Variants in EBF1 observed in about 807,000 individuals in gnomAD.
EBF1 encodes the protein EBF transcription factor 1.
In EBF1, 10 loss-of-function variants were observed where a neutral mutation model predicts 68.4. The ratio of observed to expected loss-of-function variants is 0.15; its 90% CI spans 0.09 to 0.25. EBF1 has a LOEUF of 0.25. Ranked by LOEUF, EBF1 falls within the 10% of genes least tolerant of loss-of-function variation. The pLI is 1.00. For synonymous variants in EBF1, 298 were observed against 299.8 expected (o/e 0.99, Z 0.06); for missense variants, 509 against 794.4 (o/e 0.64, Z 4.32).
At chr5:158,943,648 A>T (rs1813984680) in intron 6 of EBF1, among the ~76,000 whole-genome samples, 1 of 152,190 alleles carries the variant, frequency 6.6e-6, no homozygotes, top group East Asian at 1.9e-4. Context: ...AGCAGATTTT[A>T]CCTAAGAGTG....
intron 6 of EBF1, among the ~76,000 whole-genome samples, chr5:159,038,329 C>T (rs917615288): frequency 7.9e-5 from 12 of 152,178 alleles, no homozygotes; most frequent in Non-Finnish European, 1.6e-4. Flanking sequence ...CTCCATTCTG[C>T]ATTTAGGTAA....
At chr5:158,894,998 T>C (rs957027003) in intron 6 of EBF1, among the ~76,000 whole-genome samples, 2 of 152,194 alleles carry the variant, frequency 1.3e-5, no homozygotes, top group African/African-American at 4.8e-5. Flanking sequence ...CAGTGAAATA[T>C]ATAAATATGA....
At chr5:159,042,834 T>C (rs1771489866) in intron 6 of EBF1, among the ~76,000 whole-genome samples, 1 of 147,890 alleles carries the variant, frequency 6.8e-6, no homozygotes, top group African/African-American at 2.5e-5. Flanking sequence ...ACATATATTT[T>C]ATTTTTATTT....
At chr5:158,700,218 A>C (rs1223195161) in intron 15 of EBF1, among the ~76,000 whole-genome samples, 1 of 152,264 alleles carries the variant, frequency 6.6e-6, no homozygotes, top group African/African-American at 2.4e-5. Context: ...TCAAATAGGC[A>C]CCATCCCATG....
chr5:158,888,302 T>C (rs377669027), intron 6 of EBF1, among the ~76,000 whole-genome samples: 108 of 152,164 alleles, frequency 7.1e-4, no homozygotes, highest in African/African-American at 2.5e-3. Context: ...TGTGTGTATA[T>C]TGTGGAATCA....
At chr5:158,965,891 A>T (rs949096318) in intron 6 of EBF1, among the ~76,000 whole-genome samples, 1 of 152,200 alleles carries the variant, frequency 6.6e-6, no homozygotes, top group African/African-American at 2.4e-5. Context: ...CAGATTAATC[A>T]TTCAGATGGG....
At chr5:158,900,900 G>C (rs1803175678) in intron 6 of EBF1, among the ~76,000 whole-genome samples, 1 of 149,798 alleles carries the variant, frequency 6.7e-6, no homozygotes, top group Non-Finnish European at 1.5e-5. Flanking sequence ...AAGCCTAAGA[G>C]ATCTCTTCAT....
At chr5:158,899,776 C>A (rs535088606) in intron 6 of EBF1, among the ~76,000 whole-genome samples, 1 of 152,296 alleles carries the variant, frequency 6.6e-6, no homozygotes, top group African/African-American at 2.4e-5. Context: ...ATGGAATATT[C>A]TAAAAGTTCT....
At position 158,732,335 on chromosome 5, in the gene EBF1, T is replaced by C. The variant is rs1764265205; in HGVS notation, c.1037-1178A>G. Among the ~76,000 whole-genome samples, 4 of 152,186 alleles carry C rather than the reference T, an allele frequency of 2.6e-5. No homozygotes were observed. In the South Asian group the frequency reaches 8.3e-4, roughly 31 times the overall value. On this transcript the variant is annotated intron_variant, in intron 10 of 15. Transcript: ENST00000313708. ...ACTAACTTTAAAAAACTGTATTAAA[T>C]TCAAATAGGTCCCAAGGCTAATGGA...
intron 6 of EBF1, among the ~76,000 whole-genome samples, chr5:158,956,028 A>ATGTGTGTG (rs56311243): frequency 1.9e-4 from 27 of 141,146 alleles, no homozygotes; most frequent in East Asian, 8.5e-4. Flanking sequence ...ATAAATATAA[A>ATGTGTGTG]TGTGTGTGTG....
intron 6 of EBF1, among the ~76,000 whole-genome samples, chr5:159,054,500 T>C (rs1038111405): frequency 5.3e-5 from 8 of 152,290 alleles, no homozygotes; most frequent in South Asian, 4.1e-4. Flanking sequence ...AGAAAAAAAT[T>C]TTTTTCAAGA....
chr5:158,879,046 T>C (rs1037557016), intron 6 of EBF1, among the ~76,000 whole-genome samples: 3 of 152,106 alleles, frequency 2.0e-5, no homozygotes, highest in African/African-American at 7.2e-5. Context: ...ACTCCCAGGA[T>C]TTTTTTTCTC....
At chr5:158,905,008 T>C (rs1208369212) in intron 6 of EBF1, among the ~76,000 whole-genome samples, 1 of 152,230 alleles carries the variant, frequency 6.6e-6, no homozygotes, top group African/African-American at 2.4e-5. Flanking sequence ...AATTCTCATA[T>C]TATTCACATC....
rs1759567101 is a variant in EBF1 at position 158,712,342 on chromosome 5, CG to C, written c.1370-10del. 10 of 1,612,154 alleles carry C rather than the reference CG, an allele frequency of 6.2e-6. No individual in the cohort carries two copies. Among genetic ancestry groups the C allele is most frequent in the Non-Finnish European group, 8.5e-6 (10 of 1,178,988 alleles). On this transcript the variant is annotated splice_polypyrimidine_tract_variant and intron_variant, in intron 13 of 15. Transcript: ENST00000313708. ...TGAGTTGCGGGTGAAACCTGAGGGGCGGGGGCAAAACCGGAGGTGAGGGTGG... is the reference window on the plus strand; with the variant it reads ...TGAGTTGCGGGTGAAACCTGAGGGGCGGGGCAAAACCGGAGGTGAGGGTGG...
chr5:158,914,855 A>T (rs1806808646), intron 6 of EBF1, among the ~76,000 whole-genome samples: 1 of 152,238 alleles, frequency 6.6e-6, no homozygotes, highest in Non-Finnish European at 1.5e-5. Flanking sequence ...GAAGTTAAAA[A>T]TAAGGAAATA....
rs1029428149 is a variant in EBF1, at chr5:158,708,847, C to T, written c.1550-674G>A. Reference sequence around the variant, plus strand: ...CTACAAGTTCCAAATTCTTTATAACCGCCATGGGATATACATGAATGTTTG... The same window carrying T: ...CTACAAGTTCCAAATTCTTTATAACTGCCATGGGATATACATGAATGTTTG... On this transcript the variant is annotated intron_variant, in intron 14 of 15. Coordinates refer to ENST00000313708, the MANE Select transcript of EBF1 (RefSeq NM_024007.5). Among the ~76,000 whole-genome samples, 15 of 152,148 alleles carry T rather than the reference C, an allele frequency of 9.9e-5. 1 individual carries two copies. The highest frequency in any genetic ancestry group is 7.2e-4 in the Admixed American group (11 of 15,276).
chr5:158,753,230 C>T (rs888496669), intron 10 of EBF1, among the ~76,000 whole-genome samples: 3 of 151,870 alleles, frequency 2.0e-5, no homozygotes, highest in Non-Finnish European at 4.4e-5. Flanking sequence ...GAGTAGAAGC[C>T]GACAATCTTA....
At chr5:158,817,175 A>C (rs190040829) in intron 8 of EBF1, among the ~76,000 whole-genome samples, 89 of 152,090 alleles carry the variant, frequency 5.9e-4, no homozygotes, top group Non-Finnish European at 1.1e-3. Context: ...GAGCCCTCTC[A>C]GTCTCCTTTT....
intron 10 of EBF1, among the ~76,000 whole-genome samples, chr5:158,741,511 G>A (rs1446417662): frequency 1.3e-5 from 2 of 150,586 alleles, no homozygotes; most frequent in Non-Finnish European, 2.9e-5. Flanking sequence ...GGAGTTCCAA[G>A]CCACAGTGAG....
Sources: gnomAD v4.1 joint callset for allele counts (sites outside exome capture counted in the v4.1 genomes callset) on GRCh38, gnomAD v4.1.1 for gene constraint, MANE v1.5 for transcripts, NCBI Gene and HGNC (gene_info 2026-07-23, HGNC 2026-07-21) for gene names.